Variants in TVP23A observed in about 807,000 individuals in gnomAD.
TVP23A encodes trans-golgi network vesicle protein 23 homolog A, also known as Golgi apparatus membrane protein TVP23 homolog A.
In TVP23A, 21 loss-of-function variants were observed where a neutral mutation model predicts 31.7. That is an observed-to-expected ratio of 0.66 (90% CI 0.47 to 0.95). The LOEUF is 0.95. Among genes scored for constraint, TVP23A ranks in the 40% least tolerant of loss-of-function variants. TVP23A has a pLI of 0.00. For synonymous variants in TVP23A, 104 were observed against 96.0 expected, an observed-to-expected ratio of 1.08 and a Z score of -0.49; for missense variants, 279 against 255.6, an observed-to-expected ratio of 1.09 and a Z score of -0.62.
At chr16:10,770,066 C>A (rs369765571) in intron 7 of TVP23A, among the ~76,000 whole-genome samples, 1 of 152,228 alleles carries the variant, frequency 6.6e-6, no homozygotes, top group South Asian at 2.1e-4. Context: ...CCTCGCCCCC[C>A]GACCCCCAGC....
In TVP23A at chr16:10,766,694, ATTTAT is replaced by A. The variant is rs1315303121; in HGVS notation, c.*2403_*2407del. On this transcript the variant is annotated 3_prime_UTR_variant, in exon 8 of 8. Coordinates refer to ENST00000299866, the MANE Select transcript of TVP23A (RefSeq NM_001079512.4). The surrounding 1 kb of genome is among the most constrained non-coding windows in gnomAD (Gnocchi z 4.8). ...CACAAAGAAAGGAAGGAAGGAAGGGATTTATTGAAAATGAAAGTCAACTCCACGGT... is the reference window on the plus strand; with the variant it reads ...CACAAAGAAAGGAAGGAAGGAAGGGATGAAAATGAAAGTCAACTCCACGGT... 1 of 368,266 alleles carries A rather than the reference ATTTAT, an allele frequency of 2.7e-6. No individual in the cohort carries two copies. The highest frequency in any genetic ancestry group is 4.8e-6 in the Non-Finnish European group (1 of 207,578). 22.8% of individuals were successfully genotyped at this position (368,266 alleles called of 1,614,324 possible). A position where few individuals can be genotyped will look rare whatever the true frequency, so the allele number is the denominator to read the frequency against.
chr16:10,775,442 G>A, intron 2 of TVP23A: 2 of 1,082,296 alleles, frequency 1.8e-6, no homozygotes, highest in South Asian at 3.0e-5. Context: ...ATGACGGCCA[G>A]TTCCCTAAAG....
intron 2 of TVP23A, among the ~76,000 whole-genome samples, chr16:10,781,488 C>T (rs941664089): frequency 6.6e-6 from 1 of 152,140 alleles, no homozygotes; most frequent in African/African-American, 2.4e-5. Flanking sequence ...AGCTCTGGGC[C>T]CTTGTCACCC....
downstream of TVP23A, among the ~76,000 whole-genome samples, chr16:10,766,520 A>G (rs2030896986): frequency 6.6e-6 from 1 of 152,128 alleles, no homozygotes; most frequent in African/African-American, 2.4e-5. This position sits in a 1 kb window ranked among gnomAD's most constrained non-coding sequence, Gnocchi z 4.8. Flanking sequence ...CAGCATGACT[A>G]TTCTGGGATC....
At chr16:10,761,435 G>C (rs1417028164) in exon 9 of TVP23A, 5 of 1,614,056 alleles carry the variant, frequency 3.1e-6, no homozygotes, top group Non-Finnish European at 4.2e-6. Flanking sequence ...TCATCGGGGT[G>C]GTGGAGAACA....
At chr16:10,794,360 C>T (rs531461415) in intron 2 of TVP23A, among the ~76,000 whole-genome samples, 10 of 152,280 alleles carry the variant, frequency 6.6e-5, no homozygotes, top group African/African-American at 2.4e-4. Flanking sequence ...TATAAAGACC[C>T]CAGTCATACT....
downstream of TVP23A, among the ~76,000 whole-genome samples, chr16:10,762,271 C>T (rs753580836): frequency 2.0e-5 from 3 of 152,138 alleles, no homozygotes; most frequent in Non-Finnish European, 2.9e-5. Flanking sequence ...CAGCACGGCA[C>T]AGATGAGGCC....
rs2032296733 is a variant in TVP23A at position 10,779,623 on chromosome 16, T to C, written c.90-4527A>G. The stretch of plus-strand genomic sequence containing the variant: ...AACTGAGAATCAGGCGGCATATTCT[T>C]GTGGCCCAAAAACGAGATGCAGATG... On this transcript the variant is annotated intron_variant, in intron 2 of 7. Coordinates refer to ENST00000299866, the MANE Select transcript of TVP23A (RefSeq NM_001079512.4). The surrounding 1 kb of genome is among the most constrained non-coding windows in gnomAD (Gnocchi z 4.9). Among the ~76,000 whole-genome samples the C allele has an allele frequency of 6.6e-6, 1 of 152,224 alleles. No individual in the cohort carries two copies. Among genetic ancestry groups the C allele is most frequent in the South Asian group, 2.1e-4 (1 of 4,834 alleles).
intron 2 of TVP23A, among the ~76,000 whole-genome samples, chr16:10,781,512 C>G (rs1053708807): frequency 3.3e-5 from 5 of 152,272 alleles, no homozygotes; most frequent in African/African-American, 9.6e-5. Flanking sequence ...GTCTTCCTCC[C>G]CGGAGGGAAG....
chr16:10,784,395 A>G (rs55912923), intron 2 of TVP23A, among the ~76,000 whole-genome samples: 10,869 of 151,778 alleles, frequency 0.072, 435 homozygotes, highest in South Asian at 0.15. Flanking sequence ...AAAAGAAAAA[A>G]AAAAAAAGAA....
chr16:10,778,042 TAGAC>T (rs2032175587), intron 2 of TVP23A, among the ~76,000 whole-genome samples: 1 of 150,992 alleles, frequency 6.6e-6, no homozygotes, highest in African/African-American at 2.4e-5. Flanking sequence ...AAAGAAGAAT[TAGAC>T]AGGATCACCA....
Position 10,777,007 on chromosome 16 carries a change from A to G in TVP23A, c.90-1911T>C, listed in dbSNP as rs1435269592. Among the ~76,000 whole-genome samples the G allele has an allele frequency of 1.3e-5, 2 of 151,814 alleles. No homozygotes were observed. The highest frequency in any genetic ancestry group is 2.1e-4 in the South Asian group (1 of 4,802). ...GTCTTTATGACCTGTATCCTGTGCGACCTCCTATCTCATCCTGTGACTTAG... is the reference window on the plus strand; with the variant it reads ...GTCTTTATGACCTGTATCCTGTGCGGCCTCCTATCTCATCCTGTGACTTAG... On this transcript the variant is annotated intron_variant, in intron 2 of 7. Transcript: ENST00000299866. This position sits in a 1 kb window ranked among gnomAD's most constrained non-coding sequence, Gnocchi z 4.5.
At chr16:10,811,732 G>A (rs2034208600) in intron 2 of TVP23A, among the ~76,000 whole-genome samples, 2 of 151,694 alleles carry the variant, frequency 1.3e-5, no homozygotes, top group African/African-American at 4.8e-5. Context: ...GTGAAACCCC[G>A]TCTCTACTAA....
intron 2 of TVP23A, among the ~76,000 whole-genome samples, chr16:10,812,592 C>T (rs910049785): frequency 3.3e-5 from 5 of 152,140 alleles, no homozygotes; most frequent in Admixed American, 3.3e-4. Flanking sequence ...AATTCTGGCA[C>T]ATTTTGTAAC....
At chr16:10,783,789 T>C (rs1415341400) in intron 2 of TVP23A, among the ~76,000 whole-genome samples, 4 of 152,296 alleles carry the variant, frequency 2.6e-5, no homozygotes, top group African/African-American at 9.6e-5. Flanking sequence ...CAAAAAGGCA[T>C]AGAGGAACCT....
At chr16:10,775,299 G>GC (rs1396421144) in intron 2 of TVP23A, 2 of 1,396,398 alleles carry the variant, frequency 1.4e-6, no homozygotes, top group Non-Finnish European at 1.9e-6. Context: ...TGCTGACACT[G>GC]TTTTTTTTCC....
At chr16:10,787,146 C>T (rs988939151) in intron 2 of TVP23A, among the ~76,000 whole-genome samples, 1 of 152,166 alleles carries the variant, frequency 6.6e-6, no homozygotes, top group Non-Finnish European at 1.5e-5. Context: ...GGTCCAGCCC[C>T]ACGCTCCTGC....
intron 2 of TVP23A, 23 bp from the exon 3 acceptor site, chr16:10,775,119 C>T (rs769158214): frequency 1.3e-6 from 2 of 1,596,190 alleles, no homozygotes; most frequent in Non-Finnish European, 1.7e-6. Context: ...CCAGAAGGCG[C>T]CCTCACTCCA....
intron 2 of TVP23A, among the ~76,000 whole-genome samples, chr16:10,778,327 CTG>C (rs2032204682): frequency 9.8e-5 from 1 of 10,200 alleles, no homozygotes; most frequent in African/African-American, 6.9e-4. Flanking sequence ...GAGCAAATCG[CTG>C]TCTCGAAGAA....
Sources: gnomAD v4.1 joint callset for allele counts (sites outside exome capture counted in the v4.1 genomes callset) on GRCh38, gnomAD v4.1.1 for gene constraint, Gnocchi (gnomAD v3.1) non-coding constraint, MANE v1.5 for transcripts, NCBI Gene and HGNC (gene_info 2026-07-23, HGNC 2026-07-21) for gene names.